Variants in PTBP3 observed in about 807,000 individuals in gnomAD.
PTBP3 encodes polypyrimidine tract binding protein 3, also known as polypyrimidine tract-binding protein 3.
Under a neutral mutation model 58.7 loss-of-function variants are expected in PTBP3, and 20 were observed. That is an observed-to-expected ratio of 0.34 (90% confidence interval 0.24 to 0.50). PTBP3 has a LOEUF of 0.50. Ranked by LOEUF, PTBP3 falls within the 20% of genes least tolerant of loss-of-function variation. The probability of loss-of-function intolerance (pLI) is 0.98; values close to 1 mark genes in which losing one functional copy is unlikely to be tolerated. For missense variants in PTBP3, 509 were observed against 637.2 expected, an observed-to-expected ratio of 0.80 and a Z score of 2.17; for synonymous variants, 185 against 219.8, an observed-to-expected ratio of 0.84 and a Z score of 1.40.
intron 2 of PTBP3, among the ~76,000 whole-genome samples, chr9:112,277,668 G>GC (rs1827665656): frequency 2.0e-5 from 3 of 151,794 alleles, no homozygotes; most frequent in Non-Finnish European, 4.4e-5. Flanking sequence ...ACCAGCCTGG[G>GC]CAACAGGGCA....
At chr9:112,366,080 C>T in the PTBP3 span, among the ~76,000 whole-genome samples, 338 of 151,946 alleles carry the variant, frequency 2.2e-3, 1 homozygote, top group African/African-American at 7.7e-3. Flanking sequence ...GTCAGGAGTT[C>T]GAAACCAGCC....
At position 112,250,928 on chromosome 9, in the gene PTBP3, C is replaced by A; in HGVS notation, c.802+1G>T. 3 of 1,545,494 alleles carry A rather than the reference C, an allele frequency of 1.9e-6. No homozygotes were observed. Among genetic ancestry groups the A allele is most frequent in the East Asian group, 2.3e-5 (1 of 42,858 alleles). On this transcript the variant is annotated splice_donor_variant, in intron 7 of 13. Transcript: ENST00000374257. LOFTEE classifies it high-confidence loss of function. Reference sequence around the variant, plus strand: ...TTGTGACCCAAAAAAGAACTACTCACCAAAAGCAGCAGCCATAGGGGGTTC... The same window carrying A: ...TTGTGACCCAAAAAAGAACTACTCAACAAAAGCAGCAGCCATAGGGGGTTC...
chr9:112,248,220 C>T lies in PTBP3; in HGVS notation c.802+2709G>A, dbSNP rs11998943. 5.8e-3 allele frequency among the ~76,000 whole-genome samples: 889 copies of T among 152,004 alleles called. 7 individuals are homozygous for T. Among genetic ancestry groups the T allele is most frequent in the African/African-American group, 0.02 (844 of 41,472 alleles). On this transcript the variant is annotated intron_variant, in intron 7 of 13. Coordinates refer to ENST00000374257, the MANE Select transcript of PTBP3 (RefSeq NM_001163788.4). ...AGGAAATAAGAAACAAACTTGACAA[C>T]GTAAAAGTATCATTAAGAGAATAAA...
At chr9:112,217,762 T>C (rs1437097881), downstream of PTBP3, 1 of 152,250 alleles carries the variant, frequency 6.6e-6, no homozygotes, top group East Asian at 1.9e-4. Flanking sequence ...CCACAGATTT[T>C]ACAGGTAAGC....
chr9:112,364,999 G>C, the PTBP3 span, among the ~76,000 whole-genome samples: 1 of 152,082 alleles, frequency 6.6e-6, no homozygotes, highest in Non-Finnish European at 1.5e-5. Context: ...CTGCTTCTAC[G>C]TGTTCAACAT....
At chr9:112,238,558 G>C (rs1299280616) in intron 7 of PTBP3, among the ~76,000 whole-genome samples, 1 of 145,346 alleles carries the variant, frequency 6.9e-6, no homozygotes, top group Non-Finnish European at 1.5e-5. Flanking sequence ...ACAATCCACT[G>C]ACTCAAGAAG....
intron 1 of PTBP3, among the ~76,000 whole-genome samples, chr9:112,311,820 T>A (rs774955622): frequency 3.3e-5 from 5 of 152,146 alleles, no homozygotes; most frequent in Non-Finnish European, 4.4e-5. Flanking sequence ...TGGTGACTTA[T>A]GCCTGTAGTC....
At chr9:112,344,284 T>G in the PTBP3 span, among the ~76,000 whole-genome samples, 1 of 152,218 alleles carries the variant, frequency 6.6e-6, no homozygotes. Context: ...ATTATCATTG[T>G]GGCAGTGTTG....
the PTBP3 span, among the ~76,000 whole-genome samples, chr9:112,346,354 G>A: frequency 1.3e-5 from 2 of 151,066 alleles, no homozygotes; most frequent in African/African-American, 4.9e-5. Context: ...TTTAGTAGAG[G>A]TGGCATTTCT....
In PTBP3 at chr9:112,254,638, A is replaced by G. The variant is rs954092138; in HGVS notation, c.517-1850T>C. Reference sequence around the variant, plus strand: ...AGCCCACAAAAAGATGCTCAATATCACTAATCATTAGAAAAATGCAAATCA... The same window carrying G: ...AGCCCACAAAAAGATGCTCAATATCGCTAATCATTAGAAAAATGCAAATCA... On this transcript the variant is annotated intron_variant, in intron 5 of 13. Transcript: ENST00000374257. Among the ~76,000 whole-genome samples, 9 of 152,198 alleles carry G rather than the reference A, an allele frequency of 5.9e-5. No individual in the cohort carries two copies. In the East Asian group the frequency reaches 1.7e-3, roughly 29 times the overall value.
intron 1 of PTBP3, among the ~76,000 whole-genome samples, chr9:112,327,425 G>C (rs1436358202): frequency 6.6e-6 from 1 of 151,584 alleles, no homozygotes; most frequent in South Asian, 2.1e-4. Flanking sequence ...GCCGAGCATG[G>C]TGGCGTGTGC....
intron 1 of PTBP3, among the ~76,000 whole-genome samples, chr9:112,299,093 AAG>A (rs1234738388): frequency 6.6e-6 from 1 of 152,170 alleles, no homozygotes; most frequent in Non-Finnish European, 1.5e-5. Flanking sequence ...CCTGCAGATA[AAG>A]ACACATTTTC....
At position 112,223,785 on chromosome 9, in the gene PTBP3, TCA is replaced by T; in HGVS notation, c.*64_*65del. ...GAGGCAAAATTGGTCTTGAGCTGCT[TCA>T]GTCTATGTCTGAAGGTTTTACTGAA... is the stretch of plus-strand genomic sequence containing the variant. On this transcript the variant is annotated 3_prime_UTR_variant, in exon 14 of 14. Transcript: ENST00000374257. 6.2e-7 allele frequency: 1 copy of T among 1,606,334 alleles called. No individual in the cohort carries two copies. Among genetic ancestry groups the T allele is most frequent in the Non-Finnish European group, 8.5e-7 (1 of 1,176,400 alleles).
intron 1 of PTBP3, among the ~76,000 whole-genome samples, chr9:112,310,161 A>C (rs1414612448): frequency 3.3e-5 from 5 of 152,224 alleles, no homozygotes; most frequent in Non-Finnish European, 7.3e-5. Context: ...TTGAGATTCT[A>C]GGGCAGTGGG....
Position 112,290,687 on chromosome 9 carries a change from A to T in PTBP3, c.34+7145T>A, listed in dbSNP as rs866491912. 7.1e-3 allele frequency among the ~76,000 whole-genome samples: 599 copies of T among 84,964 alleles called. 4 individuals are homozygous for T. Among genetic ancestry groups the T allele is most frequent in the African/African-American group, 8.6e-3 (146 of 16,964 alleles). 55.7% of individuals were successfully genotyped at this position (84,964 alleles called of 152,430 possible). A position where few individuals can be genotyped will look rare whatever the true frequency, so the allele number is the denominator to read the frequency against. On this transcript the variant is annotated intron_variant, in intron 2 of 13. Coordinates refer to ENST00000374257, the MANE Select transcript of PTBP3 (RefSeq NM_001163788.4). ...ACTCTGTCTTTAAAAAAAAAAAAAA[A>T]ATATATATATATATATATATACACA...
intron 5 of PTBP3, among the ~76,000 whole-genome samples, chr9:112,256,274 TATATATATATATATATATAC>T (rs35796182): frequency 5.0e-5 from 3 of 59,990 alleles, no homozygotes; most frequent in East Asian, 3.8e-4. Context: ...AAAAACAAAA[TATATATATATATATATATAC>T]ATATATATAT....
the PTBP3 span, among the ~76,000 whole-genome samples, chr9:112,353,332 C>T: frequency 1.3e-5 from 2 of 152,274 alleles, no homozygotes; most frequent in African/African-American, 4.8e-5. Context: ...TTACCCTAAT[C>T]TTTTCAAAGA....
At chr9:112,356,544 G>A in the PTBP3 span, among the ~76,000 whole-genome samples, 3 of 148,386 alleles carry the variant, frequency 2.0e-5, no homozygotes, top group South Asian at 6.5e-4. Context: ...TTGGTGAAGA[G>A]TTGTGTGGGG....
At chr9:112,272,811 G>A (rs1262737885) in intron 3 of PTBP3, 1 of 152,020 alleles carries the variant, frequency 6.6e-6, no homozygotes, top group African/African-American at 2.4e-5. Flanking sequence ...AATCCTTGAG[G>A]CAAGTGCCAC....
Sources: allele counts gnomAD v4.1 joint callset (sites outside exome capture counted in the v4.1 genomes callset), GRCh38; gene constraint gnomAD v4.1.1; transcripts MANE v1.5; gene names NCBI Gene and HGNC (gene_info 2026-07-23, HGNC 2026-07-21).